Variants in EXOC4 observed in about 807,000 individuals in gnomAD.
EXOC4 encodes the protein SEC8-like 1.
In EXOC4, 71 loss-of-function variants were observed where a neutral mutation model predicts 107.2. That is an observed-to-expected ratio of 0.66 (90% confidence interval 0.55 to 0.81). The LOEUF (loss-of-function observed/expected upper bound fraction) is 0.81, where lower values mean the gene tolerates loss of function less well. Among genes scored for constraint, EXOC4 ranks in the 30% least tolerant of loss-of-function variants. The probability of loss-of-function intolerance (pLI) is 0.00; values close to 1 mark genes in which losing one functional copy is unlikely to be tolerated. For synonymous variants in EXOC4, 456 were observed against 441.2 expected, an observed-to-expected ratio of 1.03 and a Z score of -0.42; for missense variants, 1,108 against 1,189.6, an observed-to-expected ratio of 0.93 and a Z score of 1.01.
intron 10 of EXOC4, among the ~76,000 whole-genome samples, chr7:133,764,460 G>A (rs1429156178): frequency 6.6e-6 from 1 of 152,016 alleles, no homozygotes; most frequent in Non-Finnish European, 1.5e-5. Flanking sequence ...CCTCCTAGGA[G>A]AGTTCCAGCA....
At chr7:133,981,325 G>A (rs568020052) in intron 14 of EXOC4, among the ~76,000 whole-genome samples, 41 of 152,202 alleles carry the variant, frequency 2.7e-4, no homozygotes, top group African/African-American at 8.4e-4. Flanking sequence ...CAGATTTTGC[G>A]ATCAAATGTA....
At chr7:133,324,761 T>A (rs1195376383) in intron 5 of EXOC4, among the ~76,000 whole-genome samples, 1 of 152,214 alleles carries the variant, frequency 6.6e-6, no homozygotes, top group Non-Finnish European at 1.5e-5. Flanking sequence ...TTCCTGTATA[T>A]CCTTGTTAAC....
At chr7:133,620,680 AT>A in intron 9 of EXOC4, among the ~76,000 whole-genome samples, 1 of 152,334 alleles carries the variant, frequency 6.6e-6, no homozygotes, top group South Asian at 2.1e-4. Flanking sequence ...TGAAAACATT[AT>A]GCTTAGTGAA....
At chr7:133,329,348 T>G (rs148431319) in intron 5 of EXOC4, among the ~76,000 whole-genome samples, 1 of 152,294 alleles carries the variant, frequency 6.6e-6, no homozygotes, top group African/African-American at 2.4e-5. Context: ...TTTAGCTTCC[T>G]TGTGATGGGT....
chr7:134,075,500 A>G, the EXOC4 span, among the ~76,000 whole-genome samples: 5 of 152,208 alleles, frequency 3.3e-5, no homozygotes, highest in African/African-American at 7.2e-5. Flanking sequence ...CAGGTAAGAC[A>G]GAATGAGAGC....
At chr7:133,462,024 T>C (rs1015170500) in intron 7 of EXOC4, among the ~76,000 whole-genome samples, 1 of 152,208 alleles carries the variant, frequency 6.6e-6, no homozygotes, top group Admixed American at 6.5e-5. Flanking sequence ...TTACACAATA[T>C]GCTTATTCAT....
chr7:134,010,713 A>G (rs1197080127), intron 17 of EXOC4, among the ~76,000 whole-genome samples: 1 of 152,228 alleles, frequency 6.6e-6, no homozygotes, highest in Non-Finnish European at 1.5e-5. Flanking sequence ...CTTCTAACAC[A>G]GTAATTAATC....
intron 7 of EXOC4, among the ~76,000 whole-genome samples, chr7:133,474,978 T>G (rs1798976366): frequency 6.6e-6 from 1 of 152,196 alleles, no homozygotes; most frequent in Non-Finnish European, 1.5e-5. Flanking sequence ...GCATTGCTGC[T>G]AATGCTGCTG....
intron 12 of EXOC4, among the ~76,000 whole-genome samples, chr7:133,912,790 T>C (rs922520379): frequency 5.9e-5 from 9 of 152,150 alleles, no homozygotes; most frequent in African/African-American, 1.7e-4. Context: ...AAATAGACGT[T>C]GGCAAACGCA....
intron 3 of EXOC4, chr7:133,290,808 A>C (rs1268514707): frequency 6.6e-6 from 1 of 152,174 alleles, no homozygotes; most frequent in Non-Finnish European, 1.5e-5. Flanking sequence ...CAGAAATTCA[A>C]CTCTAGCTAG....
intron 9 of EXOC4, among the ~76,000 whole-genome samples, chr7:133,581,084 T>A (rs1801257040): frequency 6.6e-6 from 1 of 152,200 alleles, no homozygotes; most frequent in South Asian, 2.1e-4. Context: ...ACACTGGGCC[T>A]GTGAAGACTG....
intron 14 of EXOC4, among the ~76,000 whole-genome samples, chr7:133,977,915 A>G (rs1179437773): frequency 6.6e-6 from 1 of 152,184 alleles, no homozygotes. Context: ...GTTAAATTGA[A>G]TTAAGTTTGG....
chr7:133,298,324 C>G (rs1444762109), intron 3 of EXOC4, among the ~76,000 whole-genome samples: 1 of 152,046 alleles, frequency 6.6e-6, no homozygotes, highest in Non-Finnish European at 1.5e-5. Flanking sequence ...GCGAAATTGT[C>G]TTGATTGAAG....
chr7:133,670,529 A>G (rs1793923046), intron 10 of EXOC4, among the ~76,000 whole-genome samples: 1 of 152,206 alleles, frequency 6.6e-6, no homozygotes, highest in Non-Finnish European at 1.5e-5. Context: ...ATTGAAGGCT[A>G]CTTTGCCTCT....
intron 10 of EXOC4, among the ~76,000 whole-genome samples, chr7:133,751,702 C>T (rs1045883482): frequency 9.9e-5 from 15 of 152,096 alleles, no homozygotes; most frequent in Admixed American, 7.2e-4. Flanking sequence ...TGAGTTTTTA[C>T]GTTGTCTTAA....
intron 14 of EXOC4, among the ~76,000 whole-genome samples, chr7:133,982,270 G>A (rs184329741): frequency 2.0e-5 from 3 of 152,252 alleles, no homozygotes; most frequent in East Asian, 1.9e-4. Context: ...AAAAAGATAC[G>A]GGCCGGGTGT....
chr7:133,498,412 C>A (rs1265374690), intron 9 of EXOC4, among the ~76,000 whole-genome samples: 1 of 152,056 alleles, frequency 6.6e-6, no homozygotes, highest in Non-Finnish European at 1.5e-5. Context: ...GGTGAAACCC[C>A]GTCTCTACTA....
At chr7:133,549,711 A>G (rs562346818) in intron 9 of EXOC4, among the ~76,000 whole-genome samples, 9 of 152,336 alleles carry the variant, frequency 5.9e-5, no homozygotes, top group African/African-American at 1.7e-4. Flanking sequence ...AAAAAATGCA[A>G]TAAAGCAAAG....
chr7:133,554,940 A>G (rs1405078505), intron 9 of EXOC4, among the ~76,000 whole-genome samples: 2 of 152,210 alleles, frequency 1.3e-5, no homozygotes, highest in African/African-American at 4.8e-5. Context: ...TCCCTTAGGT[A>G]TAGCAGCATG....
Sources: allele counts gnomAD v4.1 joint callset (sites outside exome capture counted in the v4.1 genomes callset), GRCh38; gene constraint gnomAD v4.1.1; transcripts MANE v1.5; gene names NCBI Gene and HGNC (gene_info 2026-07-23, HGNC 2026-07-21).